Variants in PSD3 observed in about 807,000 individuals in gnomAD.
The protein encoded by PSD3 is pleckstrin and Sec7 domain containing 3.
In PSD3, 49 loss-of-function variants were observed where a neutral mutation model predicts 105.5. The ratio of observed to expected loss-of-function variants is 0.46; its 90% CI spans 0.37 to 0.59. The LOEUF is 0.59. PSD3 is among the 20% of genes least tolerant of loss of function. The pLI, the probability that PSD3 is intolerant of heterozygous loss-of-function variation, is 0.00. For synonymous variants in PSD3, 557 were observed against 457.8 expected (o/e 1.22, Z -2.77); for missense variants, 1,561 against 1,263.8 (o/e 1.24, Z -3.57).
Position 18,743,504 on chromosome 8 carries a change from G to T in PSD3, c.2172+21945C>A, listed in dbSNP as rs139675703. On this transcript the variant is annotated intron_variant, in intron 9 of 15. Transcript: ENST00000327040. ...TGAAGGACAAACAGTCGTTCTCCTTGGTGGGTCCAGTCTTTACTTGGATGG... is the reference window on the plus strand; with the variant it reads ...TGAAGGACAAACAGTCGTTCTCCTTTGTGGGTCCAGTCTTTACTTGGATGG... 3.0e-3 allele frequency among the ~76,000 whole-genome samples: 451 copies of T among 152,172 alleles called. 1 individual carries two copies. The highest frequency in any genetic ancestry group is 0.01 in the African/African-American group (426 of 41,516).
At chr8:18,989,225 C>G (rs1431382606) in intron 1 of PSD3, 1 of 152,152 alleles carries the variant, frequency 6.6e-6, no homozygotes, top group Non-Finnish European at 1.5e-5. Context: ...GTTCTAGAAG[C>G]CATTTTTTGT....
In PSD3 at chr8:18,535,778, G is replaced by T. The variant is rs773461902; in HGVS notation, c.3109C>A (p.Pro1037Thr). The change falls in exon 16 of 16, where the codon CCT (proline) becomes ACT (threonine). Residue 1037 changes from proline (P) to threonine (T), a missense_variant. Pro to Thr is a conservative substitution (Grantham distance 38, BLOSUM62 -1). Transcript: ENST00000327040. The stretch of plus-strand genomic sequence containing the variant: ...TTTTGCTTAATGCTTGGTGTTTCAG[G>T]TCGGTGATCCTTCCTCTCTGACACG... ...RNVSERKDHRPETPSIKQKVT is the reference protein window; with the variant it reads ...RNVSERKDHRTETPSIKQKVT 21 of 1,614,000 alleles carry T rather than the reference G, an allele frequency of 1.3e-5. No homozygotes were observed. The East Asian group carries it at 4.5e-4, about 34-fold the overall frequency.
chr8:18,692,427 G>C (rs1424062661), intron 9 of PSD3, among the ~76,000 whole-genome samples: 2 of 152,140 alleles, frequency 1.3e-5, no homozygotes, highest in Admixed American at 6.5e-5. Flanking sequence ...GCTTCCCTGA[G>C]GACTTTAGAA....
At chr8:18,553,005 T>C (rs185209780) in intron 15 of PSD3, among the ~76,000 whole-genome samples, 150 of 152,194 alleles carry the variant, frequency 9.9e-4, no homozygotes, top group African/African-American at 3.4e-3. Context: ...TCAGTCAGAG[T>C]TTGGACAGTT....
intron 1 of PSD3, among the ~76,000 whole-genome samples, chr8:19,049,526 C>CA (rs1461578491): frequency 1.3e-5 from 2 of 151,864 alleles, no homozygotes; most frequent in African/African-American, 4.8e-5. Flanking sequence ...CCTACCTCTG[C>CA]AAAATTTTTA....
intron 1 of PSD3, among the ~76,000 whole-genome samples, chr8:19,081,441 G>A (rs1829642713): frequency 6.6e-6 from 1 of 152,024 alleles, no homozygotes; most frequent in African/African-American, 2.4e-5. Flanking sequence ...TGGACTGGGG[G>A]TAGACAACTT....
chr8:18,613,346 G>A (rs1189452074), intron 11 of PSD3, among the ~76,000 whole-genome samples: 1 of 152,100 alleles, frequency 6.6e-6, no homozygotes, highest in African/African-American at 2.4e-5. Flanking sequence ...GTTTGCAGGG[G>A]GGAGGAGCCT....
intron 4 of PSD3, among the ~76,000 whole-genome samples, chr8:18,846,663 T>C (rs530287361): frequency 6.6e-5 from 10 of 152,274 alleles, no homozygotes; most frequent in Admixed American, 2.0e-4. Context: ...CTGGACTTAG[T>C]GCTGTGCAGA....
chr8:18,678,760 C>T (rs920711256), intron 9 of PSD3, among the ~76,000 whole-genome samples: 1 of 151,922 alleles, frequency 6.6e-6, no homozygotes, highest in Non-Finnish European at 1.5e-5. Context: ...TGCGGTGAGC[C>T]GAGATTGTGC....
At chr8:19,042,292 G>T (rs1452504644) in intron 1 of PSD3, among the ~76,000 whole-genome samples, 2 of 152,136 alleles carry the variant, frequency 1.3e-5, no homozygotes, top group Non-Finnish European at 2.9e-5. Flanking sequence ...ATTACATTCT[G>T]CAAAATTGTT....
intron 15 of PSD3, among the ~76,000 whole-genome samples, chr8:18,546,361 A>C (rs573179755): frequency 1.1e-3 from 169 of 152,272 alleles, no homozygotes; most frequent in African/African-American, 3.9e-3. Context: ...AAGTATCATA[A>C]GTAGTCATCT....
intron 4 of PSD3, among the ~76,000 whole-genome samples, chr8:18,840,521 A>G (rs11785914): frequency 0.57 from 87,046 of 152,126 alleles, 25,497 homozygotes; most frequent in African/African-American, 0.66. Flanking sequence ...CACTTCCGAT[A>G]TTCCAGGTTG....
chr8:18,868,484 T>A (rs910036044), intron 3 of PSD3, among the ~76,000 whole-genome samples: 1 of 152,140 alleles, frequency 6.6e-6, no homozygotes, highest in African/African-American at 2.4e-5. Flanking sequence ...CACCAAACTT[T>A]CATCAGTTGA....
intron 9 of PSD3, among the ~76,000 whole-genome samples, chr8:18,661,641 G>C (rs139336018): frequency 5.3e-5 from 8 of 152,246 alleles, no homozygotes; most frequent in African/African-American, 1.9e-4. Flanking sequence ...CGCACCAGTG[G>C]AGGTCCTTAC....
chr8:18,932,815 T>C (rs2129468705), intron 2 of PSD3, among the ~76,000 whole-genome samples: 1 of 152,310 alleles, frequency 6.6e-6, no homozygotes, highest in South Asian at 2.1e-4. Context: ...TCAAACAATT[T>C]CTATTTCCTG....
At chr8:18,910,951 A>T (rs1247568386) in intron 2 of PSD3, among the ~76,000 whole-genome samples, 1 of 152,042 alleles carries the variant, frequency 6.6e-6, no homozygotes, top group African/African-American at 2.4e-5. Context: ...AAAAAAAAAA[A>T]AAATAAGTTA....
At chr8:18,750,340 G>A (rs965273187) in intron 9 of PSD3, among the ~76,000 whole-genome samples, 3 of 152,082 alleles carry the variant, frequency 2.0e-5, no homozygotes, top group East Asian at 1.9e-4. Flanking sequence ...TCGTGGTCTC[G>A]CTGGCTCAGG....
intron 9 of PSD3, among the ~76,000 whole-genome samples, chr8:18,730,779 G>A (rs1165890384): frequency 6.6e-6 from 1 of 152,116 alleles, no homozygotes; most frequent in African/African-American, 2.4e-5. Context: ...TTAAGATTCT[G>A]TGGGCACTGT....
chr8:18,821,395 A>AAC (rs1554513327), intron 4 of PSD3, among the ~76,000 whole-genome samples: 3 of 152,108 alleles, frequency 2.0e-5, no homozygotes, highest in Middle Eastern at 3.4e-3. Flanking sequence ...TTCCAAAAAA[A>AAC]ATAATACCAG....
Sources: gnomAD v4.1 joint callset for allele counts (sites outside exome capture counted in the v4.1 genomes callset) on GRCh38, gnomAD v4.1.1 for gene constraint, MANE v1.5 for transcripts, NCBI Gene and HGNC (gene_info 2026-07-23, HGNC 2026-07-21) for gene names.